The following ACTR3C variants were observed in gnomAD, a reference collection of about 807,000 sequenced individuals.
The protein encoded by ACTR3C is actin related protein 3C, also known as actin-related protein 3C.
A neutral mutation model predicts 26.3 loss-of-function variants in ACTR3C; 18 were observed. The ratio of observed to expected loss-of-function variants is 0.68; its 90% confidence interval spans 0.47 to 1.01. ACTR3C has a LOEUF of 1.01. Among genes scored for constraint, ACTR3C ranks in the 50% least tolerant of loss-of-function variants. The pLI, the probability that ACTR3C is intolerant of heterozygous loss-of-function variation, is 0.00. For synonymous variants in ACTR3C, 55 were observed against 94.5 expected, an observed-to-expected ratio of 0.58 and a Z score of 2.42; for missense variants, 184 against 250.7, an observed-to-expected ratio of 0.73 and a Z score of 1.80.
chr7:150,237,898 G>A, the ACTR3C span, among the ~76,000 whole-genome samples: 11 of 140,630 alleles, frequency 7.8e-5, no homozygotes, highest in Non-Finnish European at 1.3e-4. Context: ...TTTTTCCCAC[G>A]CAGGTTATTT....
the ACTR3C span, among the ~76,000 whole-genome samples, chr7:150,157,731 G>A: frequency 6.6e-6 from 1 of 152,226 alleles, no homozygotes; most frequent in East Asian, 1.9e-4. Flanking sequence ...AGGAATTACG[G>A]AAGTGTTACC....
the ACTR3C span, among the ~76,000 whole-genome samples, chr7:150,113,452 T>TC: frequency 0.47 from 71,564 of 151,792 alleles, 17,672 homozygotes; most frequent in African/African-American, 0.63. Context: ...CTAAGCCTGT[T>TC]AGTTCACAAG....
At chr7:149,906,632 A>G in the ACTR3C span, among the ~76,000 whole-genome samples, 95 of 146,236 alleles carry the variant, frequency 6.5e-4, no homozygotes, top group Non-Finnish European at 1.2e-3. Context: ...GGGTGTTGCC[A>G]TTTTGGCCAG....
chr7:150,039,818 G>C, the ACTR3C span, among the ~76,000 whole-genome samples: 8 of 131,582 alleles, frequency 6.1e-5, no homozygotes, highest in Admixed American at 1.4e-4. Flanking sequence ...TGCCTCGCGG[G>C]GGGTGCCTCC....
chr7:150,256,699 C>T (rs550864456), intron 6 of ACTR3C, among the ~76,000 whole-genome samples: 32 of 152,110 alleles, frequency 2.1e-4, no homozygotes, highest in South Asian at 4.1e-4. Flanking sequence ...TACACCAAAC[C>T]CTAGTGACAC....
chr7:150,116,264 A>G, the ACTR3C span, among the ~76,000 whole-genome samples: 5 of 152,238 alleles, frequency 3.3e-5, no homozygotes, highest in African/African-American at 1.2e-4. Context: ...TGCAATAAAA[A>G]TAAGAGAATT....
At chr7:150,114,752 A>G in the ACTR3C span, among the ~76,000 whole-genome samples, 8 of 152,226 alleles carry the variant, frequency 5.3e-5, no homozygotes, top group African/African-American at 1.9e-4. Flanking sequence ...CTACAGCCAT[A>G]CAGCCCTGAA....
At chr7:150,106,624 C>T in the ACTR3C span, among the ~76,000 whole-genome samples, 97 of 137,036 alleles carry the variant, frequency 7.1e-4, no homozygotes, top group African/African-American at 2.7e-3. Context: ...AGAATATGTA[C>T]CTATAAGGTT....
chr7:150,239,710 T>C (rs1469536115), downstream of ACTR3C, among the ~76,000 whole-genome samples: 2 of 149,996 alleles, frequency 1.3e-5, no homozygotes, highest in Non-Finnish European at 2.9e-5. Context: ...ATTCTACAGC[T>C]TCATTAGTAG....
the ACTR3C span, among the ~76,000 whole-genome samples, chr7:150,023,149 CTATATAGA>C: frequency 5.2e-5 from 4 of 76,716 alleles, no homozygotes; most frequent in African/African-American, 8.8e-5. Flanking sequence ...ATATAGATAT[CTATATAGA>C]TATCTATATA....
At chr7:150,174,499 G>A in the ACTR3C span, among the ~76,000 whole-genome samples, 1 of 140,544 alleles carries the variant, frequency 7.1e-6, no homozygotes, top group South Asian at 2.2e-4. Context: ...TGGGGACACA[G>A]CCAGACCATA....
At chr7:150,211,172 C>T in the ACTR3C span, among the ~76,000 whole-genome samples, 2 of 148,766 alleles carry the variant, frequency 1.3e-5, 1 homozygote, top group African/African-American at 5.2e-5. Context: ...GTCTAAAGGA[C>T]ATCTACTGGC....
the ACTR3C span, among the ~76,000 whole-genome samples, chr7:149,891,578 G>A: frequency 6.6e-6 from 1 of 151,524 alleles, no homozygotes; most frequent in African/African-American, 2.4e-5. Flanking sequence ...CTAATCCAAC[G>A]CTTTGGGAGG....
At chr7:150,204,312 G>A in the ACTR3C span, among the ~76,000 whole-genome samples, 5 of 144,714 alleles carry the variant, frequency 3.5e-5, no homozygotes, top group Admixed American at 3.4e-4. Flanking sequence ...GGTGATGGTG[G>A]GAAAATGTGG....
chr7:150,129,084 C>A, the ACTR3C span, among the ~76,000 whole-genome samples: 8 of 151,320 alleles, frequency 5.3e-5, no homozygotes, highest in African/African-American at 1.5e-4. Context: ...TCCTATGGGA[C>A]CTTTAGCTCA....
intron 1 of ACTR3C, among the ~76,000 whole-genome samples, chr7:150,305,759 G>A (rs1290830774): frequency 6.6e-6 from 1 of 152,098 alleles, no homozygotes; most frequent in Admixed American, 6.5e-5. Context: ...ACCGGTGTAA[G>A]CTGAGTCTCT....
chr7:149,921,598 T>C, the ACTR3C span, among the ~76,000 whole-genome samples: 9 of 152,284 alleles, frequency 5.9e-5, no homozygotes, highest in East Asian at 1.3e-3. Context: ...CCATTCTAGC[T>C]GGGCACAGTG....
the ACTR3C span, among the ~76,000 whole-genome samples, chr7:149,930,828 C>T: frequency 6.6e-6 from 1 of 152,194 alleles, no homozygotes; most frequent in African/African-American, 2.4e-5. Context: ...GTCACCCAGG[C>T]TGGAGTGCAG....
chr7:150,259,065 G>A (rs1237713440), intron 6 of ACTR3C, among the ~76,000 whole-genome samples: 1 of 151,404 alleles, frequency 6.6e-6, no homozygotes, highest in African/African-American at 2.4e-5. Context: ...TTTGCCTCAG[G>A]GTCATATTAA....
Sources: allele counts gnomAD v4.1 joint callset (sites outside exome capture counted in the v4.1 genomes callset), GRCh38; gene constraint gnomAD v4.1.1; transcripts MANE v1.5; gene names NCBI Gene and HGNC (gene_info 2026-07-23, HGNC 2026-07-21).